Variants in ADIPOR1 observed in about 807,000 individuals in gnomAD.
ADIPOR1 encodes the protein adiponectin receptor protein 1.
In ADIPOR1, 15 loss-of-function variants were observed where a neutral mutation model predicts 37.5. The observed-to-expected ratio is 0.40, with a 90% CI of 0.27 to 0.62. The LOEUF (loss-of-function observed/expected upper bound fraction) is 0.62. Among genes scored for constraint, ADIPOR1 ranks in the 20% least tolerant of loss-of-function variants. The pLI, the probability that ADIPOR1 is intolerant of heterozygous loss-of-function variation, is 0.42. For synonymous variants in ADIPOR1, 173 were observed against 173.2 expected, an observed-to-expected ratio of 1.00 and a Z score of 0.01; for missense variants, 286 against 478.0, an observed-to-expected ratio of 0.60 and a Z score of 3.75.
At chr1:202,954,950 G>C (rs1292093383) in intron 1 of ADIPOR1, among the ~76,000 whole-genome samples, 2 of 152,064 alleles carry the variant, frequency 1.3e-5, no homozygotes, top group African/African-American at 4.8e-5. Flanking sequence ...GAGTCTATGG[G>C]TAGCCTCTAT....
In ADIPOR1 at chr1:202,943,819, A is replaced by G. The variant is rs1654196406; in HGVS notation, c.744T>C (p.Ser248=). 1.2e-6 allele frequency: 2 copies of G among 1,614,192 alleles called. No homozygotes were observed. Among genetic ancestry groups the G allele is most frequent in the East Asian group, 2.2e-5 (1 of 44,888 alleles). ...YLSIVCVLGI[S]AIIVAQWDRF... ...GGTCCCACTGCGCCACAATGATGGCAGAAATGCCCAGGACACAGACGATGG... is the reference window on the plus strand; with the variant it reads ...GGTCCCACTGCGCCACAATGATGGCGGAAATGCCCAGGACACAGACGATGG... Residue 248 remains serine (S), a synonymous_variant, in exon 6 of 8, where the codon TCT becomes TCC. Coordinates refer to ENST00000340990, the MANE Select transcript of ADIPOR1 (RefSeq NM_015999.6).
At chr1:202,947,604 A>G (rs1654387588) in intron 3 of ADIPOR1, among the ~76,000 whole-genome samples, 1 of 152,164 alleles carries the variant, frequency 6.6e-6, no homozygotes, top group African/African-American at 2.4e-5. Flanking sequence ...CAAAAAAATT[A>G]TAAACGTTGT....
At chr1:202,950,715 G>C (rs1312991833) in intron 2 of ADIPOR1, among the ~76,000 whole-genome samples, 1 of 152,184 alleles carries the variant, frequency 6.6e-6, no homozygotes, top group East Asian at 1.9e-4. Flanking sequence ...CTTGTGCTAA[G>C]CACTGGTGTT....
At position 202,944,892 on chromosome 1, in the gene ADIPOR1, G is replaced by A. The variant is rs1041805974; in HGVS notation, c.617+91C>T. 1.8e-4 allele frequency: 228 copies of A among 1,263,786 alleles called. 1 individual carries two copies. Among genetic ancestry groups the A allele is most frequent in the Non-Finnish European group, 2.4e-4 (221 of 910,842 alleles). 78.3% of individuals were successfully genotyped at this position (1,263,786 alleles called of 1,614,324 possible). A position where few individuals can be genotyped will look rare whatever the true frequency, so the allele number is the denominator to read the frequency against. ...CTGGCATATCAAGAAACCTTTAGGA[G>A]TGATATGAGCTCCTATCACCCAGTA... On this transcript the variant is annotated intron_variant, in intron 5 of 7. Transcript: ENST00000340990.
intron 7 of ADIPOR1, 103 bp from the exon 8 acceptor site, chr1:202,941,804 A>C (rs1048365610): frequency 1.4e-6 from 2 of 1,424,986 alleles, no homozygotes; most frequent in Non-Finnish European, 1.9e-6. Flanking sequence ...TAATTAAACA[A>C]ATTTGTTAAT....
At chr1:202,946,245 G>A (rs1469805832) in intron 4 of ADIPOR1, among the ~76,000 whole-genome samples, 194 bp downstream of exon 4, 1 of 151,960 alleles carries the variant, frequency 6.6e-6, no homozygotes, top group Non-Finnish European at 1.5e-5. Flanking sequence ...CAATTTCTTT[G>A]GTTTCTAGGC....
chr1:202,946,806 G>A (rs1217922539), intron 3 of ADIPOR1, among the ~76,000 whole-genome samples, 196 bp from the exon 4 acceptor site: 12 of 149,854 alleles, frequency 8.0e-5, no homozygotes, highest in African/African-American at 2.7e-4. Flanking sequence ...CTCATATTTT[G>A]ACCATTAAAA....
chr1:202,951,633 A>G (rs182643894), intron 1 of ADIPOR1, among the ~76,000 whole-genome samples: 5 of 152,376 alleles, frequency 3.3e-5, no homozygotes, highest in South Asian at 2.1e-4. Context: ...TTAAATGCCA[A>G]CTGAACTCAG....
At chr1:202,944,958 T>G (rs757108822) in intron 5 of ADIPOR1, 25 bp downstream of exon 5, 9 of 1,597,834 alleles carry the variant, frequency 5.6e-6, no homozygotes, top group Non-Finnish European at 7.7e-6. Context: ...GCACAGTATT[T>G]TCCTATGGTG....
chr1:202,944,177 C>A, intron 5 of ADIPOR1: 1 of 438,084 alleles, frequency 2.3e-6, no homozygotes, highest in Non-Finnish European at 4.1e-6. Context: ...AGAACTCTAT[C>A]CCTTTCCCTT....
In ADIPOR1 at chr1:202,945,180, G is replaced by A. The variant is rs752673264; in HGVS notation, c.431-11C>T. ...GAAACAGCACGAAACCTGCAGGAGG[G>A]TAAAATAAAAAAAACCTGTAAGAAA... is the stretch of plus-strand genomic sequence containing the variant. On this transcript the variant is annotated splice_polypyrimidine_tract_variant and intron_variant, in intron 4 of 7. Transcript: ENST00000340990. 5.1e-6 allele frequency: 8 copies of A among 1,571,542 alleles called. No homozygotes were observed. The South Asian group carries it at 5.9e-5, about 12-fold the overall frequency.
chr1:202,945,202 G>T, intron 4 of ADIPOR1, 33 bp from the exon 5 acceptor site: 1 of 1,534,288 alleles, frequency 6.5e-7, no homozygotes, highest in South Asian at 1.3e-5. Context: ...AAACCTGTAA[G>T]AAAAAAGGGA....
chr1:202,950,900 A>G (rs758969240), intron 2 of ADIPOR1, 30 bp downstream of exon 2: 40 of 1,613,682 alleles, frequency 2.5e-5, no homozygotes, highest in Non-Finnish European at 3.4e-5. Flanking sequence ...GAAACTGAAC[A>G]AGGGGATGAC....
rs11335076 is a variant in ADIPOR1, at chr1:202,948,796, C to CT, written c.142-377dup. On this transcript the variant is annotated intron_variant, in intron 2 of 7. Coordinates refer to ENST00000340990, the MANE Select transcript of ADIPOR1 (RefSeq NM_015999.6). ...CTAAGCCATTACATTTTCTTTCTTT[C>CT]TTTTTTTTTTTTTGAAATGGAATAT... Among the ~76,000 whole-genome samples, 300 of 141,358 alleles carry CT rather than the reference C, an allele frequency of 2.1e-3. 1 individual carries two copies. The highest frequency in any genetic ancestry group is 1.5e-3 in the Non-Finnish European group (97 of 64,388). 92.7% of individuals were successfully genotyped at this position (141,358 alleles called of 152,430 possible).
intron 1 of ADIPOR1, among the ~76,000 whole-genome samples, chr1:202,956,944 T>C (rs1255845866): frequency 6.6e-6 from 1 of 152,244 alleles, no homozygotes; most frequent in Non-Finnish European, 1.5e-5. Context: ...GTTTCTACTC[T>C]ACAATTAGGT....
At chr1:202,958,315 C>T (rs370533048), upstream of ADIPOR1, 26 of 152,408 alleles carry the variant, frequency 1.7e-4, no homozygotes, top group East Asian at 1.6e-3. Context: ...CGCGACCTCC[C>T]GCGTCACCTC....
In ADIPOR1 at chr1:202,941,477, GA is replaced by G; in HGVS notation, c.*95del. 1 of 1,461,488 alleles carries G rather than the reference GA, an allele frequency of 6.8e-7. No homozygotes were observed. Among genetic ancestry groups the G allele is most frequent in the Non-Finnish European group, 9.1e-7 (1 of 1,093,514 alleles). 90.5% of individuals were successfully genotyped at this position (1,461,488 alleles called of 1,614,324 possible). ...TGAATTCTCTAAGAGGTTTCTTCTAGAAACAGACAACTCAGACTCTTCCTCT... is the reference window on the plus strand; with the variant it reads ...TGAATTCTCTAAGAGGTTTCTTCTAGAACAGACAACTCAGACTCTTCCTCT... On this transcript the variant is annotated 3_prime_UTR_variant, in exon 8 of 8. Transcript: ENST00000340990.
chr1:202,957,910 G>A (rs1255899288), intron 1 of ADIPOR1, among the ~76,000 whole-genome samples: 1 of 152,228 alleles, frequency 6.6e-6, no homozygotes, highest in Admixed American at 6.5e-5. Context: ...AGCACTCACA[G>A]GACTGCCGGG....
At position 202,948,429 on chromosome 1, in the gene ADIPOR1, GA is replaced by G. The variant is rs770744695; in HGVS notation, c.142-10del. ...GTTTGCTCTTCTTCAGCCTATGGGG[GA>G]AAAAACCCACAACAATCCAGGGAGT... On this transcript the variant is annotated splice_polypyrimidine_tract_variant and intron_variant, in intron 2 of 7. Coordinates refer to ENST00000340990, the MANE Select transcript of ADIPOR1 (RefSeq NM_015999.6). 1.9e-6 allele frequency: 3 copies of G among 1,610,342 alleles called. No individual in the cohort carries two copies. The highest frequency in any genetic ancestry group is 1.7e-6 in the Non-Finnish European group (2 of 1,176,900).
Sources: gnomAD v4.1 joint callset for allele counts (sites outside exome capture counted in the v4.1 genomes callset) on GRCh38, gnomAD v4.1.1 for gene constraint, MANE v1.5 for transcripts, NCBI Gene and HGNC (gene_info 2026-07-23, HGNC 2026-07-21) for gene names.